Variants in MAGI2 observed in about 807,000 individuals in gnomAD.
MAGI2 encodes membrane-associated guanylate kinase, WW and PDZ domain-containing protein 2.
MAGI2 carries 35 observed loss-of-function variants against 133.3 expected under a neutral mutation model. That is an observed-to-expected ratio of 0.26 (90% confidence interval 0.20 to 0.35). MAGI2 has a LOEUF of 0.35. Among genes scored for constraint, MAGI2 ranks in the 10% least tolerant of loss-of-function variants. The pLI is 1.00. For missense variants in MAGI2, 1,636 were observed against 1,863.4 expected (o/e 0.88, Z 2.25); for synonymous variants, 729 against 710.6 (o/e 1.03, Z -0.41).
intron 1 of MAGI2, among the ~76,000 whole-genome samples, chr7:79,114,910 A>T (rs1020345339): frequency 6.6e-6 from 1 of 152,140 alleles, no homozygotes; most frequent in African/African-American, 2.4e-5. Flanking sequence ...TACTTGGTCT[A>T]AATTGTTGTT....
intron 2 of MAGI2, among the ~76,000 whole-genome samples, chr7:78,683,825 T>TC (rs1376255625): frequency 1.3e-5 from 2 of 152,186 alleles, no homozygotes; most frequent in African/African-American, 4.8e-5. Flanking sequence ...AACGTTTCTG[T>TC]CTCTTTGGTG....
intron 2 of MAGI2, among the ~76,000 whole-genome samples, chr7:78,922,036 G>A (rs1005246140): frequency 7.9e-5 from 12 of 151,886 alleles, no homozygotes; most frequent in Non-Finnish European, 1.5e-4. Context: ...GATTTCCTAC[G>A]TTAGACTGAG....
intron 1 of MAGI2, among the ~76,000 whole-genome samples, chr7:79,306,240 A>G (rs1390169377): frequency 6.8e-6 from 1 of 146,424 alleles, no homozygotes; most frequent in Non-Finnish European, 1.5e-5. Context: ...ATTTATATGT[A>G]TATGTATATT....
intron 6 of MAGI2, among the ~76,000 whole-genome samples, chr7:78,400,163 T>C (rs1261688517): frequency 6.6e-6 from 1 of 152,190 alleles, no homozygotes; most frequent in African/African-American, 2.4e-5. Context: ...ATCGAGCTTG[T>C]TTGGAAACAG....
chr7:78,355,207 A>C (rs905870586), intron 7 of MAGI2, among the ~76,000 whole-genome samples: 9 of 152,226 alleles, frequency 5.9e-5, no homozygotes, highest in Admixed American at 5.9e-4. Context: ...CATAATACAG[A>C]TTTATATCCC....
intron 1 of MAGI2, among the ~76,000 whole-genome samples, chr7:79,055,507 A>G (rs542794531): frequency 6.6e-6 from 1 of 152,304 alleles, no homozygotes; most frequent in South Asian, 2.1e-4. Flanking sequence ...GATGTTAACA[A>G]TATATGCAGG....
chr7:78,864,154 A>G (rs1043899113), intron 2 of MAGI2, among the ~76,000 whole-genome samples: 2 of 152,208 alleles, frequency 1.3e-5, no homozygotes, highest in South Asian at 2.1e-4. Flanking sequence ...AAAAATTACT[A>G]TCTTTTAAAT....
chr7:78,557,236 A>G (rs891518632), intron 3 of MAGI2, among the ~76,000 whole-genome samples: 4 of 152,042 alleles, frequency 2.6e-5, no homozygotes, highest in South Asian at 2.1e-4. Context: ...TGAATTGCCA[A>G]TTTCTGCATT....
At chr7:79,392,077 C>T (rs1449989775) in intron 1 of MAGI2, among the ~76,000 whole-genome samples, 1 of 152,108 alleles carries the variant, frequency 6.6e-6, no homozygotes, top group East Asian at 1.9e-4. Context: ...TTTCATTGTT[C>T]AGCTACCACT....
intron 16 of MAGI2, among the ~76,000 whole-genome samples, chr7:78,152,381 A>G (rs1392899287): frequency 6.6e-6 from 1 of 152,166 alleles, no homozygotes; most frequent in Non-Finnish European, 1.5e-5. Context: ...TCTTGAATGG[A>G]CAAGAGATGT....
At chr7:78,547,733 G>A (rs1327544012) in intron 3 of MAGI2, among the ~76,000 whole-genome samples, 1 of 152,200 alleles carries the variant, frequency 6.6e-6, no homozygotes, top group Non-Finnish European at 1.5e-5. Context: ...AATGTGGGAG[G>A]AAACTGGAGT....
intron 1 of MAGI2, among the ~76,000 whole-genome samples, chr7:79,304,167 A>G (rs556849259): frequency 8.7e-6 from 1 of 114,734 alleles, no homozygotes; most frequent in East Asian, 2.9e-4. Context: ...CTAAAGTGCC[A>G]ATTTTCAACT....
intron 1 of MAGI2, among the ~76,000 whole-genome samples, chr7:79,129,660 C>T (rs1350636890): frequency 6.6e-6 from 1 of 150,910 alleles, no homozygotes; most frequent in Non-Finnish European, 1.5e-5. Context: ...AAATACGATG[C>T]TTGCAGAAAA....
chr7:78,594,965 G>A (rs1023001972), intron 3 of MAGI2, among the ~76,000 whole-genome samples: 5 of 152,132 alleles, frequency 3.3e-5, no homozygotes, highest in Admixed American at 6.5e-5. Context: ...ATGAATGCCC[G>A]CTTACACACA....
chr7:78,313,769 GA>G lies in MAGI2; in HGVS notation c.1408+30008del, dbSNP rs1182639792. Among the ~76,000 whole-genome samples, 6 of 151,590 alleles carry G rather than the reference GA, an allele frequency of 4.0e-5. No homozygotes were observed. In the East Asian group the frequency reaches 7.7e-4, roughly 19 times the overall value. The stretch of plus-strand genomic sequence containing the variant: ...TAAGCAACATTTCTTTTCAGAGACG[GA>G]AAAAAAATCATATGCTTATTTGCTA... On this transcript the variant is annotated intron_variant, in intron 9 of 21. Coordinates refer to ENST00000354212, the MANE Select transcript of MAGI2 (RefSeq NM_012301.4).
intron 1 of MAGI2, among the ~76,000 whole-genome samples, chr7:79,057,575 G>A (rs1813265528): frequency 6.6e-6 from 1 of 152,120 alleles, no homozygotes; most frequent in South Asian, 2.1e-4. Flanking sequence ...GCCTAGAAGT[G>A]CACCTGCACA....
intron 1 of MAGI2, among the ~76,000 whole-genome samples, chr7:79,157,857 T>TC (rs1018087708): frequency 3.3e-5 from 5 of 150,288 alleles, no homozygotes; most frequent in African/African-American, 7.3e-5. Context: ...CAAGTTTTTT[T>TC]TTTTTTTTTT....
At chr7:79,390,699 G>A (rs1372649776) in intron 1 of MAGI2, among the ~76,000 whole-genome samples, 1 of 152,134 alleles carries the variant, frequency 6.6e-6, no homozygotes, top group Non-Finnish European at 1.5e-5. Flanking sequence ...AGAGTTCCGT[G>A]CAATCCCCTC....
At chr7:78,653,112 G>A (rs1045392217) in intron 2 of MAGI2, among the ~76,000 whole-genome samples, 1 of 152,098 alleles carries the variant, frequency 6.6e-6, no homozygotes, top group East Asian at 1.9e-4. Flanking sequence ...TTAGAATGGC[G>A]ATCATTAAAA....
Sources: allele counts gnomAD v4.1 joint callset (sites outside exome capture counted in the v4.1 genomes callset), GRCh38; gene constraint gnomAD v4.1.1; transcripts MANE v1.5; gene names NCBI Gene and HGNC (gene_info 2026-07-23, HGNC 2026-07-21).